Variants in ZNF232 observed in about 807,000 individuals in gnomAD.
The protein encoded by ZNF232 is zinc finger protein 232.
In ZNF232, 25 loss-of-function variants were observed where a neutral mutation model predicts 25.2. That is an observed-to-expected ratio of 0.99 (90% CI 0.72 to 1.39). The LOEUF is 1.39. Among genes scored for constraint, ZNF232 ranks in the 40% most tolerant of loss-of-function variants. The pLI, the probability that ZNF232 is intolerant of heterozygous loss-of-function variation, is 0.00. For synonymous variants in ZNF232, 193 were observed against 182.9 expected, an observed-to-expected ratio of 1.06 and a Z score of -0.45; for missense variants, 519 against 520.9, an observed-to-expected ratio of 1.00 and a Z score of 0.04.
At chr17:5,110,998 C>A (rs1219807990) in intron 1 of ZNF232, 2 of 152,044 alleles carry the variant, frequency 1.3e-5, no homozygotes, top group Non-Finnish European at 2.9e-5. Context: ...ACATGTTGCA[C>A]GTGAAAAGAG....
intron 3 of ZNF232, 137 bp downstream of exon 3, chr17:5,108,789 A>C: frequency 1.5e-5 from 20 of 1,360,326 alleles, no homozygotes; most frequent in Non-Finnish European, 1.6e-5. Flanking sequence ...CTCTCACCTA[A>C]GAGATAAGAA....
At chr17:5,110,573 TC>T (rs1387330773) in intron 1 of ZNF232, among the ~76,000 whole-genome samples, 1 of 152,204 alleles carries the variant, frequency 6.6e-6, no homozygotes, top group Non-Finnish European at 1.5e-5. Context: ...AGATGGCTCC[TC>T]CCTGCTTTCA....
At chr17:5,116,279 G>A (rs975548594), upstream of ZNF232, among the ~76,000 whole-genome samples, 14 of 144,058 alleles carry the variant, frequency 9.7e-5, no homozygotes, top group African/African-American at 1.2e-4. Context: ...GCCCCGCTCC[G>A]GGCGGCCCCC....
chr17:5,111,934 C>G, upstream of ZNF232: 1 of 1,466,696 alleles, frequency 6.8e-7, no homozygotes, highest in Non-Finnish European at 9.1e-7. Context: ...TCGCCGCCGG[C>G]TTCCGTTCGC....
chr17:5,120,432 G>A (rs1218379658), intron 1 of ZNF232, among the ~76,000 whole-genome samples: 1 of 152,144 alleles, frequency 6.6e-6, no homozygotes, highest in African/African-American at 2.4e-5. Context: ...GGAGGTTGCT[G>A]ATATTCATAG....
intron 1 of ZNF232, 40 bp downstream of exon 1, chr17:5,111,760 C>G: frequency 6.2e-7 from 1 of 1,613,404 alleles, no homozygotes; most frequent in Non-Finnish European, 8.5e-7. Flanking sequence ...AAAAGCCAAG[C>G]CGCCAGGTGG....
rs999451688 is a variant in ZNF232 at position 5,105,973 on chromosome 17, A to C, written c.1159T>G (p.Phe387Val). 1 of 1,614,150 alleles carries C rather than the reference A, an allele frequency of 6.2e-7. No homozygotes were observed. ...TGACTTAGATATGAGCTTTGACTAA[A>C]GGCCTTCCCACACTCATTACACTCA... is the stretch of plus-strand genomic sequence containing the variant. Residue 387 changes from phenylalanine (F) to valine (V), a missense_variant, in exon 4 of 4, where the codon TTT (phenylalanine) becomes GTT (valine). Transcript: ENST00000575898.
chr17:5,120,266 G>A (rs2072623108), intron 1 of ZNF232, among the ~76,000 whole-genome samples: 1 of 152,114 alleles, frequency 6.6e-6, no homozygotes, highest in South Asian at 2.1e-4. Context: ...CTGTGGGGTT[G>A]GTGGTGGGGG....
chr17:5,105,914 A>G, exon 4 of ZNF232: 2 of 1,614,162 alleles, frequency 1.2e-6, no homozygotes, highest in South Asian at 2.2e-5. Context: ...CTTTACATAT[A>G]AAAGGTTTCT....
chr17:5,116,172 C>T (rs1035744738), upstream of ZNF232, among the ~76,000 whole-genome samples: 2 of 150,424 alleles, frequency 1.3e-5, no homozygotes, highest in African/African-American at 4.8e-5. Context: ...ATGCTGTCCC[C>T]GCTCCAACTA....
Position 5,111,606 on chromosome 17 carries a change from C to A in ZNF232, c.23+194G>T, listed in dbSNP as rs1597930048. 7 of 740,710 alleles carry A rather than the reference C, an allele frequency of 9.5e-6. No homozygotes were observed. The East Asian group carries it at 1.1e-4, about 12-fold the overall frequency. The allele number at this position is 740,710 out of a possible 1,614,324, so 45.9% of individuals were successfully genotyped here. A position where few individuals can be genotyped will look rare whatever the true frequency, so the allele number is the denominator to read the frequency against. On this transcript the variant is annotated intron_variant, in intron 1 of 3. Coordinates refer to ENST00000575898, the Ensembl canonical transcript of ZNF232. ...AGAAAAGAGAAGAGGAACATCAAGACCCCCCTCCACGGCACGTGACGCGAC... is the reference window on the plus strand; with the variant it reads ...AGAAAAGAGAAGAGGAACATCAAGAACCCCCTCCACGGCACGTGACGCGAC...
chr17:5,109,499 C>A, exon 2 of ZNF232: 1 of 1,614,178 alleles, frequency 6.2e-7, no homozygotes, highest in South Asian at 1.1e-5. Context: ...GCTCCTCAGG[C>A]AGGATGGTCA....
At chr17:5,108,954 A>G in exon 3 of ZNF232, 1 of 1,614,018 alleles carries the variant, frequency 6.2e-7, no homozygotes, top group Non-Finnish European at 8.5e-7. Flanking sequence ...GGGTCTCCTT[A>G]GGCTGGAGCT....
intron 3 of ZNF232, among the ~76,000 whole-genome samples, chr17:5,108,518 T>G (rs1213562233): frequency 6.7e-6 from 1 of 149,572 alleles, no homozygotes; most frequent in African/African-American, 2.5e-5. Context: ...CCTCAGCGAG[T>G]TTAAAAAAAA....
exon 3 of ZNF232, chr17:5,108,942 C>A (rs1317165577): frequency 6.2e-7 from 1 of 1,614,054 alleles, no homozygotes; most frequent in Middle Eastern, 1.6e-4. Flanking sequence ...TTGGGAAAGG[C>A]TGGGTCTCCT....
intron 2 of ZNF232, 59 bp downstream of exon 2, chr17:5,109,335 C>T (rs750057920): frequency 2.1e-5 from 33 of 1,596,230 alleles, no homozygotes; most frequent in African/African-American, 5.4e-5. Flanking sequence ...AGCTGCCCCT[C>T]GGTCCAGCCT....
At chr17:5,111,988 C>T (rs1447805787), upstream of ZNF232, 2 of 1,023,644 alleles carry the variant, frequency 2.0e-6, no homozygotes, top group East Asian at 2.7e-5. Flanking sequence ...AGGCTGGGAG[C>T]CCGGGAACCG....
upstream of ZNF232, among the ~76,000 whole-genome samples, chr17:5,115,555 A>AACACACACACACACACAC (rs61171102): frequency 0.05 from 7,365 of 148,664 alleles, 219 homozygotes; most frequent in South Asian, 0.11. Context: ...CGTCTCCAAA[A>AACACACACACACACACAC]ACACACACAC....
At chr17:5,111,954 C>A, upstream of ZNF232, 2 of 1,366,708 alleles carry the variant, frequency 1.5e-6, no homozygotes, top group South Asian at 1.4e-5. Flanking sequence ...CGGACTTTGG[C>A]CCAGGCGCGT....
Sources: gnomAD v4.1 joint callset for allele counts (sites outside exome capture counted in the v4.1 genomes callset) on GRCh38, gnomAD v4.1.1 for gene constraint, MANE v1.5 for transcripts, NCBI Gene and HGNC (gene_info 2026-07-23, HGNC 2026-07-21) for gene names.